GPC6: variants seen among roughly 807,000 people sequenced by gnomAD.
The protein encoded by GPC6 is glypican-6.
GPC6 carries 14 observed loss-of-function variants against 55.2 expected under a neutral mutation model. That is an observed-to-expected ratio of 0.25 (90% CI 0.17 to 0.40). The LOEUF is 0.40. Ranked by LOEUF, GPC6 falls within the 10% of genes least tolerant of loss-of-function variation. GPC6 has a pLI of 1.00. For missense variants in GPC6, 641 were observed against 708.5 expected (o/e 0.90, Z 1.08); for synonymous variants, 278 against 259.6 (o/e 1.07, Z -0.68).
chr13:93,251,811 G>C (rs1431178269), intron 1 of GPC6, among the ~76,000 whole-genome samples: 1 of 152,204 alleles, frequency 6.6e-6, no homozygotes, highest in East Asian at 1.9e-4. Flanking sequence ...TTTATGATGA[G>C]CTCTGAAGAG....
intron 2 of GPC6, among the ~76,000 whole-genome samples, chr13:93,809,870 G>C (rs757898077): frequency 6.6e-6 from 1 of 152,148 alleles, no homozygotes; most frequent in Non-Finnish European, 1.5e-5. Flanking sequence ...GCCCACTTTT[G>C]TACCTGGCCC....
intron 6 of GPC6, among the ~76,000 whole-genome samples, chr13:94,358,442 T>C (rs1878905101): frequency 6.6e-6 from 1 of 152,132 alleles, no homozygotes; most frequent in African/African-American, 2.4e-5. Flanking sequence ...ACCTGACCTA[T>C]AGGCTTAGAA....
At chr13:94,088,109 C>T (rs1885352642) in intron 4 of GPC6, among the ~76,000 whole-genome samples, 2 of 152,096 alleles carry the variant, frequency 1.3e-5, no homozygotes, top group Admixed American at 6.6e-5. Flanking sequence ...ATTTCATAAC[C>T]GTTCAGAAAT....
intron 1 of GPC6, among the ~76,000 whole-genome samples, chr13:93,383,144 G>C (rs1289927319): frequency 1.3e-5 from 2 of 152,132 alleles, no homozygotes; most frequent in Non-Finnish European, 2.9e-5. Context: ...AGCTTTCCTT[G>C]AAACAATATC....
chr13:94,307,956 G>A (rs1000323858), intron 6 of GPC6, among the ~76,000 whole-genome samples: 2 of 151,970 alleles, frequency 1.3e-5, no homozygotes, highest in African/African-American at 4.8e-5. Flanking sequence ...AAGATCTGAG[G>A]TACTACATTG....
intron 2 of GPC6, among the ~76,000 whole-genome samples, chr13:93,742,768 T>C (rs945329351): frequency 2.6e-5 from 4 of 152,160 alleles, no homozygotes; most frequent in African/African-American, 9.7e-5. Context: ...ATTAATAAAA[T>C]GGTGACAGAA....
chr13:94,322,842 T>C (rs1444888417), intron 6 of GPC6, among the ~76,000 whole-genome samples: 1 of 151,922 alleles, frequency 6.6e-6, no homozygotes, highest in East Asian at 1.9e-4. Context: ...ACTCTGAAAT[T>C]GGCAGTTTCT....
At chr13:93,777,307 T>A (rs1885501979) in intron 2 of GPC6, among the ~76,000 whole-genome samples, 1 of 152,164 alleles carries the variant, frequency 6.6e-6, no homozygotes, top group Non-Finnish European at 1.5e-5. Context: ...ACTTCCTTGT[T>A]TTTCCTAACT....
intron 6 of GPC6, among the ~76,000 whole-genome samples, chr13:94,336,429 C>G (rs1040632727): frequency 2.6e-5 from 4 of 152,078 alleles, no homozygotes; most frequent in Non-Finnish European, 5.9e-5. Context: ...ATGATCAAGG[C>G]AATAATTTTA....
At position 93,830,612 on chromosome 13, in the gene GPC6, TAAAAAAA is replaced by T. The variant is rs369020255; in HGVS notation, c.711+87_711+93del. 2.5e-4 allele frequency: 82 copies of T among 326,412 alleles called. 1 individual carries two copies. Among genetic ancestry groups the T allele is most frequent in the Admixed American group, 1.9e-3 (28 of 15,034 alleles). The allele number at this position is 326,412 out of a possible 1,614,324, so 20.2% of individuals were successfully genotyped here. On this transcript the variant is annotated intron_variant, in intron 3 of 8. Transcript: ENST00000377047. ...TTATTCTGTTTTTAAAACCAATGTT[TAAAAAAA>T]AAAAAAAAAAAAAAAAAAACCAAGG...
intron 3 of GPC6, among the ~76,000 whole-genome samples, chr13:93,940,442 A>G (rs534240480): frequency 6.6e-6 from 1 of 151,990 alleles, no homozygotes; most frequent in East Asian, 1.9e-4. Context: ...GGATGGATGG[A>G]TGGATGAATG....
intron 3 of GPC6, among the ~76,000 whole-genome samples, chr13:93,847,056 G>A (rs1358827855): frequency 6.6e-6 from 1 of 152,054 alleles, no homozygotes; most frequent in African/African-American, 2.4e-5. Flanking sequence ...TTTTCATAAT[G>A]CATTTTTGTC....
chr13:93,919,451 C>T (rs979401168), intron 3 of GPC6, among the ~76,000 whole-genome samples: 6 of 152,158 alleles, frequency 3.9e-5, no homozygotes, highest in Non-Finnish European at 7.3e-5. Flanking sequence ...GTGGGTCTTA[C>T]CACATTACAC....
chr13:94,188,749 CTTG>C (rs1889286649), intron 4 of GPC6, among the ~76,000 whole-genome samples: 3 of 152,072 alleles, frequency 2.0e-5, no homozygotes, highest in Admixed American at 6.5e-5. Flanking sequence ...TGGAGAGGCA[CTTG>C]CACCACACCC....
At chr13:93,885,654 T>C (rs1875278557) in intron 3 of GPC6, among the ~76,000 whole-genome samples, 1 of 152,186 alleles carries the variant, frequency 6.6e-6, no homozygotes, top group African/African-American at 2.4e-5. Flanking sequence ...TGTTCAAGGC[T>C]ACCTCCTCCA....
intron 3 of GPC6, among the ~76,000 whole-genome samples, chr13:94,024,704 ACT>A (rs1179343285): frequency 2.0e-5 from 3 of 152,018 alleles, no homozygotes; most frequent in Non-Finnish European, 4.4e-5. Context: ...CGAGTTGGAG[ACT>A]CTTCTGAAAT....
intron 4 of GPC6, among the ~76,000 whole-genome samples, chr13:94,267,092 C>T (rs370501756): frequency 9.9e-5 from 15 of 152,184 alleles, no homozygotes; most frequent in African/African-American, 3.4e-4. Flanking sequence ...TTAAAGCCCC[C>T]GTTTTCTCAC....
intron 1 of GPC6, among the ~76,000 whole-genome samples, chr13:93,498,433 C>G (rs1880391617): frequency 6.6e-6 from 1 of 152,140 alleles, no homozygotes; most frequent in African/African-American, 2.4e-5. Flanking sequence ...ATTGTCTGAC[C>G]TGGTTTGGCT....
In GPC6 at chr13:93,352,628, G is replaced by A. The variant is rs377439145; in HGVS notation, c.160+125012G>A. Among the ~76,000 whole-genome samples the A allele has an allele frequency of 1.7e-4, 26 of 152,162 alleles. No individual in the cohort carries two copies. The South Asian group carries it at 2.7e-3, about 16-fold the overall frequency. ...TTGACATTTTTGAAAAACACCATGG[G>A]GATCAATTTGGTTGGGTTGGAGGGA... On this transcript the variant is annotated intron_variant, in intron 1 of 8. Transcript: ENST00000377047.
Sources: gnomAD v4.1 joint callset for allele counts (sites outside exome capture counted in the v4.1 genomes callset) on GRCh38, gnomAD v4.1.1 for gene constraint, MANE v1.5 for transcripts, NCBI Gene and HGNC (gene_info 2026-07-23, HGNC 2026-07-21) for gene names.